TEK: variants seen among roughly 807,000 people sequenced by gnomAD.
TEK encodes angiopoietin-1 receptor.
Under a neutral mutation model 131.8 loss-of-function variants are expected in TEK, and 43 were observed. That is an observed-to-expected ratio of 0.33 (90% confidence interval 0.26 to 0.42). TEK has a LOEUF of 0.42. Among genes scored for constraint, TEK ranks in the 10% least tolerant of loss-of-function variants. TEK has a pLI of 1.00. For synonymous variants in TEK, 580 were observed against 491.6 expected (o/e 1.18, Z -2.38); for missense variants, 1,162 against 1,384.4 (o/e 0.84, Z 2.55).
chr9:27,135,464 A>G (rs948755548), intron 1 of TEK, among the ~76,000 whole-genome samples: 2 of 152,146 alleles, frequency 1.3e-5, no homozygotes, highest in South Asian at 2.1e-4. Context: ...ATTTTAGGGA[A>G]TCACAAATCA....
intron 1 of TEK, among the ~76,000 whole-genome samples, chr9:27,120,117 G>A (rs941837534): frequency 2.0e-5 from 3 of 152,204 alleles, no homozygotes; most frequent in African/African-American, 7.2e-5. Context: ...GAAGAAGACG[G>A]TGGTGGCAGT....
At chr9:27,131,259 A>T (rs1006349449) in intron 1 of TEK, among the ~76,000 whole-genome samples, 5 of 152,096 alleles carry the variant, frequency 3.3e-5, no homozygotes, top group Admixed American at 2.6e-4. Flanking sequence ...AGGCTGGCAG[A>T]TCACTTAAGG....
At position 27,123,399 on chromosome 9, in the gene TEK, G is replaced by T. The variant is rs546463586; in HGVS notation, c.52+13757G>T. Among the ~76,000 whole-genome samples the T allele has an allele frequency of 3.3e-5, 5 of 152,220 alleles. No homozygotes were observed. In the East Asian group the frequency reaches 9.7e-4, roughly 29 times the overall value. ...TAAGGAAAGAGCTCTGCCATCACAG[G>T]TACTCTCCTTCCCCTGCATGTGGTC... On this transcript the variant is annotated intron_variant, in intron 1 of 22. Transcript: ENST00000380036.
chr9:27,208,982 C>G (rs543027860), intron 15 of TEK, 139 bp from the exon 16 acceptor site: 12 of 697,580 alleles, frequency 1.7e-5, no homozygotes, highest in Non-Finnish European at 2.9e-5. Flanking sequence ...CCGAGAAACT[C>G]TACTTTAGAG....
intron 6 of TEK, among the ~76,000 whole-genome samples, chr9:27,176,615 C>T (rs944197870): frequency 6.6e-6 from 1 of 152,196 alleles, no homozygotes; most frequent in African/African-American, 2.4e-5. Context: ...TTTGATATAT[C>T]TATACATTGT....
Position 27,184,823 on chromosome 9 carries a change from A to G in TEK, c.1183-662A>G, listed in dbSNP as rs559687784. Among the ~76,000 whole-genome samples the G allele has an allele frequency of 2.6e-5, 4 of 152,206 alleles. No homozygotes were observed. The East Asian group carries it at 7.7e-4, about 29-fold the overall frequency. ...AAGCCTGAGGTGGGAGGATCACTTT[A>G]GGCCAGAAATTTGAGACCGGCCTGG... On this transcript the variant is annotated intron_variant, in intron 8 of 22. Transcript: ENST00000380036.
chr9:27,175,432 G>A (rs1256100638), intron 6 of TEK, among the ~76,000 whole-genome samples: 7 of 151,712 alleles, frequency 4.6e-5, no homozygotes, highest in Non-Finnish European at 1.0e-4. Flanking sequence ...ATTGTGAATA[G>A]TGCCACAATA....
intron 1 of TEK, among the ~76,000 whole-genome samples, chr9:27,157,604 G>A (rs1167507473): frequency 2.6e-5 from 4 of 152,170 alleles, no homozygotes; most frequent in Non-Finnish European, 4.4e-5. Flanking sequence ...TGCAACTAGG[G>A]TATGCAGTGG....
At chr9:27,128,760 A>G (rs1388384466) in intron 1 of TEK, among the ~76,000 whole-genome samples, 2 of 151,414 alleles carry the variant, frequency 1.3e-5, no homozygotes, top group African/African-American at 4.9e-5. Flanking sequence ...GAGCTCGCTC[A>G]TGATTTGGCT....
At chr9:27,188,064 A>G (rs550733825) in intron 9 of TEK, among the ~76,000 whole-genome samples, 36 of 152,316 alleles carry the variant, frequency 2.4e-4, no homozygotes, top group Middle Eastern at 3.4e-3. Context: ...TTTCCGCAAC[A>G]GTATGGATGA....
rs1187346295 is a variant in TEK, at chr9:27,217,838, C to T, written c.3062+80C>T. On this transcript the variant is annotated intron_variant, in intron 19 of 22. Transcript: ENST00000380036. The stretch of plus-strand genomic sequence containing the variant: ...ATTTGACAGAGGTTTTAAAAAGATA[C>T]AGGAATGTCCTGTAGCTCTCGGGAA... 1.3e-5 allele frequency: 17 copies of T among 1,273,546 alleles called. No homozygotes were observed. The African/African-American group carries it at 2.2e-4, about 17-fold the overall frequency. 78.9% of individuals were successfully genotyped at this position (1,273,546 alleles called of 1,614,324 possible).
intron 6 of TEK, among the ~76,000 whole-genome samples, chr9:27,173,628 G>A (rs146928008): frequency 9.5e-4 from 145 of 152,154 alleles, no homozygotes; most frequent in African/African-American, 3.2e-3. Flanking sequence ...GCATGGACTG[G>A]GGCCCGAGGT....
At chr9:27,195,795 G>C in intron 11 of TEK, 1 of 422,542 alleles carries the variant, frequency 2.4e-6, no homozygotes, top group South Asian at 1.7e-5. Context: ...CTGGAAGATG[G>C]ATATTTTAAT....
chr9:27,119,249 G>A (rs1224847241), intron 1 of TEK, among the ~76,000 whole-genome samples: 1 of 152,000 alleles, frequency 6.6e-6, no homozygotes, highest in Non-Finnish European at 1.5e-5. Flanking sequence ...AGTGTTTCAT[G>A]GTCACCTCAG....
At chr9:27,196,719 G>C (rs1825026031) in intron 11 of TEK, among the ~76,000 whole-genome samples, 1 of 150,932 alleles carries the variant, frequency 6.6e-6, no homozygotes, top group African/African-American at 2.4e-5. Context: ...ACTTTGCATG[G>C]TGAAAGCAGG....
At chr9:27,143,842 C>G (rs555444462) in intron 1 of TEK, among the ~76,000 whole-genome samples, 1 of 152,244 alleles carries the variant, frequency 6.6e-6, no homozygotes, top group East Asian at 1.9e-4. Flanking sequence ...AAGACATAAC[C>G]CCTTCCATGT....
chr9:27,160,010 GTTTTTTTTTTT>G (rs563961610), intron 2 of TEK, among the ~76,000 whole-genome samples: 34 of 84,340 alleles, frequency 4.0e-4, no homozygotes, highest in African/African-American at 8.7e-4. Context: ...GCTGTTTAGG[GTTTTTTTTTTT>G]TTTTTTTTTT....
chr9:27,140,006 A>G (rs1822663308), intron 1 of TEK, among the ~76,000 whole-genome samples: 1 of 152,160 alleles, frequency 6.6e-6, no homozygotes, highest in Non-Finnish European at 1.5e-5. Flanking sequence ...CCAGTAATTT[A>G]GCAATGAAAG....
intron 11 of TEK, among the ~76,000 whole-genome samples, chr9:27,195,424 A>C (rs942458382): frequency 2.0e-5 from 3 of 152,140 alleles, no homozygotes; most frequent in African/African-American, 7.2e-5. Flanking sequence ...CCTCCCGTGA[A>C]ATTTTAATAC....
Sources: gnomAD v4.1 joint callset for allele counts (sites outside exome capture counted in the v4.1 genomes callset) on GRCh38, gnomAD v4.1.1 for gene constraint, MANE v1.5 for transcripts, NCBI Gene and HGNC (gene_info 2026-07-23, HGNC 2026-07-21) for gene names.